The following LPO variants were observed in gnomAD, a reference collection of about 807,000 sequenced individuals.
LPO encodes the protein lactoperoxidase, also known as salivary peroxidase.
A neutral mutation model predicts 68.4 loss-of-function variants in LPO; 70 were observed. The ratio of observed to expected loss-of-function variants is 1.02; its 90% confidence interval spans 0.84 to 1.25. LPO has a LOEUF of 1.25. Ranked by LOEUF, LPO falls within the 50% of genes most tolerant of loss-of-function variation. The probability of loss-of-function intolerance (pLI) is 0.00; values close to 1 mark genes in which losing one functional copy is unlikely to be tolerated. For synonymous variants in LPO, 360 were observed against 357.6 expected (o/e 1.01, Z -0.08); for missense variants, 873 against 908.4 (o/e 0.96, Z 0.50).
Position 58,255,080 on chromosome 17 carries a change from C to T in LPO, c.1266+109C>T, listed in dbSNP as rs552478986. The T allele has an allele frequency of 1.5e-5, 17 of 1,130,360 alleles. No individual in the cohort carries two copies. The Admixed American group carries it at 2.0e-4, about 13-fold the overall frequency. The allele number at this position is 1,130,360 out of a possible 1,614,324, so 70.0% of individuals were successfully genotyped here. A position where few individuals can be genotyped will look rare whatever the true frequency, so the allele number is the denominator to read the frequency against. On this transcript the variant is annotated intron_variant, in intron 9 of 12. Transcript: ENST00000262290. ...GCTCTCTCCTCTGTTCCCACACCTC[C>T]GTTTCCCCCGGCCCCTCTGCTGCTT...
chr17:58,267,256 CTAGGGCTGA>C lies in LPO; in HGVS notation c.1694-89_1694-81del, dbSNP rs1312108423. On this transcript the variant is annotated intron_variant, in intron 11 of 12. Coordinates refer to ENST00000262290, the MANE Select transcript of LPO (RefSeq NM_006151.3). The stretch of plus-strand genomic sequence containing the variant: ...CCCAAAGGCTGTAAGCCCAGACTTT[CTAGGGCTGA>C]TAGAGCTGGAGTGGACATGGCCCCA... 3.4e-5 allele frequency: 32 copies of C among 942,770 alleles called. No individual in the cohort carries two copies. The Admixed American group carries it at 3.7e-4, about 11-fold the overall frequency. The allele number at this position is 942,770 out of a possible 1,614,324, so 58.4% of individuals were successfully genotyped here. A position where few individuals can be genotyped will look rare whatever the true frequency, so the allele number is the denominator to read the frequency against.
At chr17:58,251,556 T>C (rs1033785179) in intron 7 of LPO, 16 of 242,248 alleles carry the variant, frequency 6.6e-5, no homozygotes, top group Non-Finnish European at 1.1e-4. Context: ...TATTCATGGG[T>C]ATTACAGTTG....
At chr17:58,249,270 G>A in intron 5 of LPO, 93 bp downstream of exon 5, 1 of 1,184,090 alleles carries the variant, frequency 8.4e-7, no homozygotes, top group Non-Finnish European at 1.2e-6. Flanking sequence ...AGGCAGATCT[G>A]CCACTGCCTT....
intron 1 of LPO, among the ~76,000 whole-genome samples, chr17:58,241,514 C>A (rs1236317052): frequency 6.6e-6 from 1 of 152,016 alleles, no homozygotes; most frequent in Non-Finnish European, 1.5e-5. Flanking sequence ...CTCAATGAAC[C>A]CTGCAATGGG....
At chr17:58,250,277 T>TA in intron 6 of LPO, 138 bp from the exon 7 acceptor site, 2 of 710,542 alleles carry the variant, frequency 2.8e-6, no homozygotes, top group Non-Finnish European at 5.0e-6. Flanking sequence ...AATAGGCTAA[T>TA]GCCACCCACC....
rs1161572564 is a variant in LPO, at chr17:58,241,125, C to CTTT, written c.-2-1832_-2-1830dup. On this transcript the variant is annotated intron_variant, in intron 1 of 12. Coordinates refer to ENST00000262290, the MANE Select transcript of LPO (RefSeq NM_006151.3). ...TTGTTGTTCTTTTCTTTTCTTTTTT[C>CTTT]TTTTTTTTTTTTTTTTTTTTTTTGA... is the stretch of plus-strand genomic sequence containing the variant. Among the ~76,000 whole-genome samples the CTTT allele has an allele frequency of 1.7e-3, 159 of 91,272 alleles. 2 individuals carry two copies. The highest frequency in any genetic ancestry group is 8.5e-3 in the Middle Eastern group (1 of 118). The allele number at this position is 91,272 out of a possible 152,430, so 59.9% of individuals were successfully genotyped here. A position where few individuals can be genotyped will look rare whatever the true frequency, so the allele number is the denominator to read the frequency against.
chr17:58,248,740 A>G (rs1241563005), intron 4 of LPO, among the ~76,000 whole-genome samples: 1 of 152,190 alleles, frequency 6.6e-6, no homozygotes, highest in African/African-American at 2.4e-5. Context: ...TTCTAAAAGA[A>G]AGATCTGTCA....
chr17:58,259,260 A>G (rs1970131656), intron 9 of LPO, among the ~76,000 whole-genome samples: 1 of 152,112 alleles, frequency 6.6e-6, no homozygotes, highest in Non-Finnish European at 1.5e-5. Flanking sequence ...AAATTTTTGC[A>G]TAAAGTGTGA....
intron 10 of LPO, 46 bp downstream of exon 10, chr17:58,265,020 C>A (rs760820431): frequency 1.9e-6 from 3 of 1,606,200 alleles, no homozygotes; most frequent in Non-Finnish European, 1.7e-6. Context: ...TCCCACTCCG[C>A]AGCCTATTGT....
rs771571766 is a variant in LPO, at chr17:58,249,046, C to G, written c.326-14C>G. Reference sequence around the variant, plus strand: ...AGAAAGAACTCAGTCCCTTTGGGGTCCCTTCTGTTTCAGATCCCAGCCTGG... The same window carrying G: ...AGAAAGAACTCAGTCCCTTTGGGGTGCCTTCTGTTTCAGATCCCAGCCTGG... On this transcript the variant is annotated splice_polypyrimidine_tract_variant and intron_variant, in intron 4 of 12. Transcript: ENST00000262290. 4.4e-6 allele frequency: 7 copies of G among 1,601,686 alleles called. No homozygotes were observed. The Middle Eastern group carries it at 9.9e-4, about 227-fold the overall frequency.
chr17:58,250,934 G>A (rs1969948451), intron 7 of LPO: 1 of 362,254 alleles, frequency 2.8e-6, no homozygotes, highest in Admixed American at 4.0e-5. Context: ...CACTGGAGAA[G>A]GTTGTCTACA....
intron 1 of LPO, among the ~76,000 whole-genome samples, chr17:58,239,527 A>G (rs1186400149): frequency 1.3e-5 from 2 of 152,126 alleles, no homozygotes; most frequent in African/African-American, 4.8e-5. Context: ...AAAGATCAAG[A>G]GAGTGTTCCT....
chr17:58,257,479 T>C (rs1368941744), intron 9 of LPO, among the ~76,000 whole-genome samples: 1 of 152,234 alleles, frequency 6.6e-6, no homozygotes, highest in African/African-American at 2.4e-5. Flanking sequence ...GATTTCATTC[T>C]TTTTTATGGC....
rs567740014 is a variant in LPO at position 58,248,498 on chromosome 17, C to T, written c.326-562C>T. Among the ~76,000 whole-genome samples, 24 of 152,134 alleles carry T rather than the reference C, an allele frequency of 1.6e-4. No homozygotes were observed. The East Asian group carries it at 4.3e-3, about 27-fold the overall frequency. Reference sequence around the variant, plus strand: ...AGGGTATGCGTTCAGAAGTGGGCATCTCTCTCCACTCTGTGCCCACACTGA... The same window carrying T: ...AGGGTATGCGTTCAGAAGTGGGCATTTCTCTCCACTCTGTGCCCACACTGA... On this transcript the variant is annotated intron_variant, in intron 4 of 12. Coordinates refer to ENST00000262290, the MANE Select transcript of LPO (RefSeq NM_006151.3).
chr17:58,260,092 C>T (rs1970148545), intron 9 of LPO, among the ~76,000 whole-genome samples: 1 of 152,204 alleles, frequency 6.6e-6, no homozygotes, highest in African/African-American at 2.4e-5. Context: ...GGATTACAGG[C>T]GTGAGCCACC....
intron 9 of LPO, among the ~76,000 whole-genome samples, chr17:58,263,853 C>CAATG (rs1192413757): frequency 6.6e-6 from 1 of 152,188 alleles, no homozygotes; most frequent in Non-Finnish European, 1.5e-5. Context: ...CTGAGCCTTG[C>CAATG]AATGCTATTC....
chr17:58,250,626 G>A lies in LPO; in HGVS notation c.780+5G>A, dbSNP rs778082878. 22 of 1,613,374 alleles carry A rather than the reference G, an allele frequency of 1.4e-5. No homozygotes were observed. Among genetic ancestry groups the A allele is most frequent in the East Asian group, 8.9e-5 (4 of 44,888 alleles). ...GACAACTGCTTCCCCATCATGGTAC[G>A]GCCCTGCAGCTAGGCATCTCTGACT... On this transcript the variant is annotated splice_donor_5th_base_variant and intron_variant, in intron 7 of 12. Coordinates refer to ENST00000262290, the MANE Select transcript of LPO (RefSeq NM_006151.3).
In LPO at chr17:58,268,149, AG is replaced by A; in HGVS notation, c.*158del. On this transcript the variant is annotated 3_prime_UTR_variant, in exon 13 of 13. Coordinates refer to ENST00000262290, the MANE Select transcript of LPO (RefSeq NM_006151.3). ...TGGATGAACAGCTTGCTCAGGCCCC[AG>A]GGTGGCTGCCTCGGCCCTCCCAGCT... 1 of 741,536 alleles carries A rather than the reference AG, an allele frequency of 1.3e-6. No individual in the cohort carries two copies. The allele number at this position is 741,536 out of a possible 1,614,324, so 45.9% of individuals were successfully genotyped here. A position where few individuals can be genotyped will look rare whatever the true frequency, so the allele number is the denominator to read the frequency against.
chr17:58,260,425 C>G (rs755059099), intron 9 of LPO, among the ~76,000 whole-genome samples: 1 of 152,144 alleles, frequency 6.6e-6, no homozygotes. Flanking sequence ...ACTTCCAATA[C>G]TATATTAAAT....
Sources: allele counts gnomAD v4.1 joint callset (sites outside exome capture counted in the v4.1 genomes callset), GRCh38; gene constraint gnomAD v4.1.1; transcripts MANE v1.5; gene names NCBI Gene and HGNC (gene_info 2026-07-23, HGNC 2026-07-21).